The following PPP1R1A variants were observed in gnomAD, a reference collection of about 807,000 sequenced individuals.
The protein encoded by PPP1R1A is protein phosphatase 1 regulatory inhibitor subunit 1A.
Under a neutral mutation model 23.9 loss-of-function variants are expected in PPP1R1A, and 18 were observed. The ratio of observed to expected loss-of-function variants is 0.75; its 90% CI spans 0.52 to 1.12. PPP1R1A has a LOEUF of 1.12. Ranked by LOEUF, PPP1R1A falls within the 50% of genes most tolerant of loss-of-function variation. PPP1R1A has a pLI of 0.00. For synonymous variants in PPP1R1A, 84 were observed against 80.7 expected, an observed-to-expected ratio of 1.04 and a Z score of -0.22; for missense variants, 207 against 223.8, an observed-to-expected ratio of 0.92 and a Z score of 0.48.
At chr12:54,587,975 C>T (rs1957926617) in intron 1 of PPP1R1A, among the ~76,000 whole-genome samples, 2 of 152,244 alleles carry the variant, frequency 1.3e-5, no homozygotes, top group Non-Finnish European at 1.5e-5. Flanking sequence ...GCTCCCTCTC[C>T]ATTACCGACC....
chr12:54,582,878 CT>C (rs1360054041), intron 3 of PPP1R1A, 83 bp from the exon 4 acceptor site: 6 of 1,395,938 alleles, frequency 4.3e-6, no homozygotes, highest in Non-Finnish European at 3.0e-6. Flanking sequence ...CCCCCATGCC[CT>C]CCAGCCCCCC....
Position 54,581,954 on chromosome 12 carries a change from G to A in PPP1R1A, c.403+22C>T, listed in dbSNP as rs759322042. ...TGGGCTGGGAAATAGGATGCCTGGG[G>A]CCCTCCCCAGCCTGAACATACTTTT... is the stretch of plus-strand genomic sequence containing the variant. On this transcript the variant is annotated intron_variant, in intron 5 of 6. Transcript: ENST00000257905. The surrounding 1 kb of genome is among the most constrained non-coding windows in gnomAD (Gnocchi z 4.1). 5.0e-6 allele frequency: 8 copies of A among 1,594,372 alleles called. No homozygotes were observed. The highest frequency in any genetic ancestry group is 1.3e-5 in the African/African-American group (1 of 74,420).
At position 54,582,092 on chromosome 12, in the gene PPP1R1A, T is replaced by C; in HGVS notation, c.287A>G (p.Gln96Arg). Residue 96 changes from glutamine (Q) to arginine (R), a missense_variant, in exon 5 of 7, where the codon CAG (glutamine) becomes CGG (arginine). By Grantham distance (43) the Gln-to-Arg change is conservative. Transcript: ENST00000257905. ...GGCCCCCTCAGGTTCCTCTCCTTGC[T>C]GCTGTTGCCCCAGGTGATGTTCAAC... ...MMVEHHLGQQ[Q>R]QGEEPEGAAE... The C allele has an allele frequency of 1.9e-6, 3 of 1,613,862 alleles. No homozygotes were observed. Among genetic ancestry groups the C allele is most frequent in the Non-Finnish European group, 2.5e-6 (3 of 1,179,810 alleles).
In PPP1R1A at chr12:54,579,328, G is replaced by C; in HGVS notation, c.*1059C>G. On this transcript the variant is annotated 3_prime_UTR_variant, in exon 7 of 7. Transcript: ENST00000257905. Reference sequence around the variant, plus strand: ...CAGCATGATAAAATCTGGGTGAGGCGTTCTCCCTCATATATATATATATAT... The same window carrying C: ...CAGCATGATAAAATCTGGGTGAGGCCTTCTCCCTCATATATATATATATAT... 5.5e-6 allele frequency: 5 copies of C among 913,100 alleles called. No homozygotes were observed. The highest frequency in any genetic ancestry group is 6.3e-6 in the Non-Finnish European group (5 of 799,274). 56.6% of individuals were successfully genotyped at this position (913,100 alleles called of 1,614,324 possible).
At chr12:54,582,997 T>C (rs1957871937) in intron 3 of PPP1R1A, among the ~76,000 whole-genome samples, 1 of 151,836 alleles carries the variant, frequency 6.6e-6, no homozygotes, top group African/African-American at 2.4e-5. Flanking sequence ...ACCTCGACAA[T>C]GGTGAGCAAG....
rs115261656 is a variant in PPP1R1A, at chr12:54,584,359, C to T, written c.85-39G>A. On this transcript the variant is annotated intron_variant, in intron 1 of 6. Transcript: ENST00000257905. Reference sequence around the variant, plus strand: ...GGAAATGGGGAAGAGGTCAAGTACACGTGGAAGCATCAAAGCCCCACCCAA... The same window carrying T: ...GGAAATGGGGAAGAGGTCAAGTACATGTGGAAGCATCAAAGCCCCACCCAA... The T allele has an allele frequency of 3.2e-4, 484 of 1,532,844 alleles. 1 individual carries two copies. The African/African-American group carries it at 5.8e-3, about 18-fold the overall frequency. The allele number at this position is 1,532,844 out of a possible 1,614,324, so 95.0% of individuals were successfully genotyped here.
Position 54,582,784 on chromosome 12 carries a change from T to C in PPP1R1A, c.195A>G (p.Ala65=). ...TCTTCTTCCGTTGCCGTGGAGACATTGCCAAAGTGGACTGTGAAGGGCACA... is the reference window on the plus strand; with the variant it reads ...TCTTCTTCCGTTGCCGTGGAGACATCGCCAAAGTGGACTGTGAAGGGCACA... ...IPNPHLKSTL[A]MSPRQRKKMT... Residue 65 remains alanine, a synonymous_variant, in exon 4 of 7, where the codon GCA becomes GCG. Coordinates refer to ENST00000257905, the MANE Select transcript of PPP1R1A (RefSeq NM_006741.4). 4 of 1,613,538 alleles carry C rather than the reference T, an allele frequency of 2.5e-6. No homozygotes were observed. The highest frequency in any genetic ancestry group is 3.4e-6 in the Non-Finnish European group (4 of 1,179,886).
intron 1 of PPP1R1A, 48 bp downstream of exon 1, chr12:54,588,357 C>A: frequency 6.8e-7 from 1 of 1,463,462 alleles, no homozygotes; most frequent in South Asian, 1.3e-5. Context: ...CCAGGGGTCC[C>A]TCGTCCTTGG....
chr12:54,586,097 G>A (rs2121215600), intron 1 of PPP1R1A, among the ~76,000 whole-genome samples: 1 of 152,274 alleles, frequency 6.6e-6, no homozygotes, highest in Non-Finnish European at 1.5e-5. Context: ...GGTGGTGGTA[G>A]TAGGAAAGAG....
At chr12:54,584,480 T>A (rs919961613) in intron 1 of PPP1R1A, among the ~76,000 whole-genome samples, 160 bp from the exon 2 acceptor site, 5 of 152,152 alleles carry the variant, frequency 3.3e-5, no homozygotes, top group African/African-American at 1.2e-4. Context: ...AGCAAACTTA[T>A]GCAGAAACAG....
At chr12:54,585,838 C>A (rs1455655143) in intron 1 of PPP1R1A, among the ~76,000 whole-genome samples, 4 of 152,022 alleles carry the variant, frequency 2.6e-5, no homozygotes, top group African/African-American at 9.7e-5. Context: ...GGGGGTAGGG[C>A]ATCATTTTCC....
At chr12:54,585,360 G>A (rs1479530814) in intron 1 of PPP1R1A, among the ~76,000 whole-genome samples, 2 of 152,154 alleles carry the variant, frequency 1.3e-5, no homozygotes, top group East Asian at 3.8e-4. Context: ...ATATAAAGCT[G>A]ACTGACTGCC....
Position 54,580,992 on chromosome 12 carries a change from T to A in PPP1R1A, c.462A>T (p.Lys154Asn). 1.2e-6 allele frequency: 2 copies of A among 1,613,970 alleles called. No individual in the cohort carries two copies. Among genetic ancestry groups the A allele is most frequent in the Non-Finnish European group, 1.7e-6 (2 of 1,179,860 alleles). Reference protein sequence around the residue: ...HERGSKEPSTKEPSTHIPPLD... With the variant: ...HERGSKEPSTNEPSTHIPPLD... ...GTGGTGGTATATGGGTTGAGGGTTC[T>A]TTTGTGCTGGGTTCCTTACTGCCTC... is the stretch of plus-strand genomic sequence containing the variant. The change falls in exon 6 of 7, where the codon AAA (lysine) becomes AAT (asparagine). Residue 154 changes from lysine to asparagine, a missense_variant. Coordinates refer to ENST00000257905, the MANE Select transcript of PPP1R1A (RefSeq NM_006741.4).
intron 1 of PPP1R1A, among the ~76,000 whole-genome samples, chr12:54,585,609 G>C (rs1144998): frequency 0.6 from 91,280 of 151,938 alleles, 27,735 homozygotes; most frequent in East Asian, 0.81. Context: ...CCTGGGCTGA[G>C]AGGAGTAGGA....
intron 1 of PPP1R1A, 82 bp from the exon 2 acceptor site, chr12:54,584,402 A>G (rs1377203804): frequency 6.8e-6 from 9 of 1,317,712 alleles, no homozygotes; most frequent in Non-Finnish European, 8.4e-6. Flanking sequence ...CAGTAACATA[A>G]TCCAGGCTAG....
chr12:54,587,474 G>C (rs912207442), intron 1 of PPP1R1A, among the ~76,000 whole-genome samples: 6 of 152,154 alleles, frequency 3.9e-5, no homozygotes, highest in African/African-American at 1.4e-4. Context: ...AAGGACCACG[G>C]GTGGCCACCC....
intron 1 of PPP1R1A, among the ~76,000 whole-genome samples, chr12:54,585,779 G>C (rs1486351308): frequency 6.8e-6 from 1 of 147,578 alleles, no homozygotes; most frequent in South Asian, 2.2e-4. Context: ...AAGCCTGAGG[G>C]GGGAACTCTT....
chr12:54,584,879 A>C, intron 1 of PPP1R1A, among the ~76,000 whole-genome samples: 1 of 150,538 alleles, frequency 6.6e-6, no homozygotes, highest in African/African-American at 2.5e-5. Context: ...CTGTCTCTCC[A>C]CCTCCCCCTG....
rs565566117 is a variant in PPP1R1A at position 54,588,615 on chromosome 12, C to A, written c.-127G>T. ...GGCCCCAGCCCGGCGCGCTCGGCTC[C>A]CGGCTCCCGGCACAGCGCTCCCAGC... On this transcript the variant is annotated 5_prime_UTR_variant, in exon 1 of 7. Transcript: ENST00000257905. 1.1e-5 allele frequency: 4 copies of A among 359,178 alleles called. No homozygotes were observed. Among genetic ancestry groups the A allele is most frequent in the Non-Finnish European group, 1.3e-5 (3 of 227,824 alleles). 22.2% of individuals were successfully genotyped at this position (359,178 alleles called of 1,614,324 possible).
Sources: gnomAD v4.1 joint callset for allele counts (sites outside exome capture counted in the v4.1 genomes callset) on GRCh38, gnomAD v4.1.1 for gene constraint, Gnocchi (gnomAD v3.1) non-coding constraint, MANE v1.5 for transcripts, NCBI Gene and HGNC (gene_info 2026-07-23, HGNC 2026-07-21) for gene names.